NEGR1: variants seen among roughly 807,000 people sequenced by gnomAD.
NEGR1 encodes IgLON family member 4.
NEGR1 carries 10 observed loss-of-function variants against 40.9 expected under a neutral mutation model. The observed-to-expected ratio is 0.24, with a 90% CI of 0.15 to 0.42. NEGR1 has a LOEUF of 0.42. NEGR1 is among the 10% of genes least tolerant of loss of function. NEGR1 has a pLI of 1.00. For missense variants in NEGR1, 352 were observed against 438.9 expected (o/e 0.80, Z 1.77); for synonymous variants, 185 against 166.8 (o/e 1.11, Z -0.84).
intron 6 of NEGR1, among the ~76,000 whole-genome samples, chr1:71,586,059 AT>A (rs1469571462): frequency 6.6e-6 from 1 of 152,148 alleles, no homozygotes; most frequent in Non-Finnish European, 1.5e-5. Context: ...CCCCTATTTT[AT>A]AGGTCAGGTG....
chr1:72,182,050 T>C (rs1652396658), intron 1 of NEGR1, among the ~76,000 whole-genome samples: 1 of 152,166 alleles, frequency 6.6e-6, no homozygotes. Context: ...GGTTTTGCTG[T>C]CATTGCTACA....
chr1:72,074,885 CT>C (rs1647653817), intron 1 of NEGR1, among the ~76,000 whole-genome samples: 1 of 152,050 alleles, frequency 6.6e-6, no homozygotes, highest in South Asian at 2.1e-4. Context: ...TCAAACAAGT[CT>C]TTTTCCTCTC....
chr1:72,221,355 T>C (rs987899903), intron 1 of NEGR1, among the ~76,000 whole-genome samples: 2 of 152,078 alleles, frequency 1.3e-5, no homozygotes, highest in Non-Finnish European at 2.9e-5. Flanking sequence ...AATGTGAATA[T>C]TGGGGAGACA....
At chr1:71,600,213 A>G (rs904984374) in intron 5 of NEGR1, among the ~76,000 whole-genome samples, 4 of 152,210 alleles carry the variant, frequency 2.6e-5, no homozygotes, top group African/African-American at 4.8e-5. Context: ...GCTCTACTTT[A>G]TATTTAGTAA....
At chr1:71,746,037 T>C (rs992465850) in intron 3 of NEGR1, among the ~76,000 whole-genome samples, 1 of 152,162 alleles carries the variant, frequency 6.6e-6, no homozygotes, top group Non-Finnish European at 1.5e-5. Context: ...ATCATTCCCT[T>C]TCTACATGCC....
chr1:72,114,651 G>A (rs1049800144), intron 1 of NEGR1, among the ~76,000 whole-genome samples: 1 of 151,712 alleles, frequency 6.6e-6, no homozygotes, highest in African/African-American at 2.4e-5. Context: ...AAAAATAGAT[G>A]CTTTGCTTGG....
intron 4 of NEGR1, among the ~76,000 whole-genome samples, chr1:71,670,834 C>T (rs1213018422): frequency 1.3e-5 from 2 of 152,158 alleles, no homozygotes; most frequent in African/African-American, 4.8e-5. Context: ...GGCTCCTGCC[C>T]TCAACCTCAA....
intron 2 of NEGR1, among the ~76,000 whole-genome samples, chr1:71,853,355 C>T (rs891960065): frequency 7.2e-5 from 11 of 151,856 alleles, no homozygotes; most frequent in East Asian, 1.9e-4. Context: ...TGTTATTCCA[C>T]GTAAAGAGAT....
intron 6 of NEGR1, among the ~76,000 whole-genome samples, chr1:71,523,122 A>G (rs1053994219): frequency 6.6e-6 from 1 of 151,948 alleles, no homozygotes; most frequent in East Asian, 1.9e-4. Context: ...AAAGTGCCCA[A>G]ACAGGGCCTC....
At chr1:71,750,138 C>G (rs915514490) in intron 3 of NEGR1, among the ~76,000 whole-genome samples, 7 of 152,000 alleles carry the variant, frequency 4.6e-5, no homozygotes, top group Non-Finnish European at 1.0e-4. Flanking sequence ...GGACTACAGG[C>G]GCCCGCCACC....
At chr1:72,256,032 C>A (rs1226760256) in intron 1 of NEGR1, among the ~76,000 whole-genome samples, 2 of 152,108 alleles carry the variant, frequency 1.3e-5, no homozygotes, top group Admixed American at 6.5e-5. Flanking sequence ...TTATTTAATG[C>A]ACTCATTAAT....
rs1200165749 is a variant in NEGR1, at chr1:71,561,103, A to G, written c.940+31714T>C. Among the ~76,000 whole-genome samples the G allele has an allele frequency of 3.3e-5, 5 of 151,742 alleles. No individual in the cohort carries two copies. The East Asian group carries it at 9.7e-4, about 30-fold the overall frequency. On this transcript the variant is annotated intron_variant, in intron 6 of 6. Coordinates refer to ENST00000357731, the MANE Select transcript of NEGR1 (RefSeq NM_173808.3). The stretch of plus-strand genomic sequence containing the variant: ...ATAGCACATCCTAACCATGATCATG[A>G]AATCAGATATTAGAAGAGGTAACCG...
At chr1:72,147,089 T>C (rs543770014) in intron 1 of NEGR1, among the ~76,000 whole-genome samples, 2 of 152,326 alleles carry the variant, frequency 1.3e-5, no homozygotes, top group East Asian at 1.9e-4. Context: ...TGCACATATG[T>C]GCGTCTTTGT....
chr1:71,826,839 A>G (rs971337851), intron 2 of NEGR1, among the ~76,000 whole-genome samples: 3 of 151,972 alleles, frequency 2.0e-5, no homozygotes, highest in African/African-American at 7.2e-5. Context: ...CTTTTATGGA[A>G]TACATTTTAA....
chr1:71,852,165 C>T (rs190373627), intron 2 of NEGR1, among the ~76,000 whole-genome samples: 18 of 152,180 alleles, frequency 1.2e-4, no homozygotes, highest in African/African-American at 4.3e-4. Context: ...CCTTAAAGAA[C>T]AGGCAGAAAG....
intron 1 of NEGR1, among the ~76,000 whole-genome samples, chr1:72,136,764 A>T (rs1421849019): frequency 2.0e-5 from 3 of 152,112 alleles, no homozygotes; most frequent in Non-Finnish European, 4.4e-5. Context: ...AATTAAACTA[A>T]AGAGCTTCTG....
intron 3 of NEGR1, among the ~76,000 whole-genome samples, chr1:71,732,861 C>A (rs542830239): frequency 1.7e-4 from 26 of 152,150 alleles, no homozygotes; most frequent in African/African-American, 6.3e-4. Context: ...AATAAAATTC[C>A]ATTTTATAGA....
intron 1 of NEGR1, among the ~76,000 whole-genome samples, chr1:72,263,336 A>AT (rs1655524967): frequency 6.6e-6 from 1 of 151,716 alleles, no homozygotes; most frequent in East Asian, 1.9e-4. Flanking sequence ...TAGGCATCAG[A>AT]TTTTTTTAAA....
chr1:72,238,918 G>A (rs1409310837), intron 1 of NEGR1, among the ~76,000 whole-genome samples: 4 of 151,806 alleles, frequency 2.6e-5, no homozygotes, highest in South Asian at 2.1e-4. Context: ...GGGAACCGGG[G>A]ATCATACTTA....
Sources: allele counts gnomAD v4.1 joint callset (sites outside exome capture counted in the v4.1 genomes callset), GRCh38; gene constraint gnomAD v4.1.1; transcripts MANE v1.5; gene names NCBI Gene and HGNC (gene_info 2026-07-23, HGNC 2026-07-21).